PDE7B: variants seen among roughly 807,000 people sequenced by gnomAD.
The protein encoded by PDE7B is phosphodiesterase 7B, also known as 3',5'-cyclic-AMP phosphodiesterase 7B.
A neutral mutation model predicts 56.2 loss-of-function variants in PDE7B; 29 were observed. The ratio of observed to expected loss-of-function variants is 0.52; its 90% CI spans 0.38 to 0.70. PDE7B has a LOEUF of 0.70. PDE7B is among the 30% of genes least tolerant of loss of function. PDE7B has a pLI of 0.00. For synonymous variants in PDE7B, 197 were observed against 196.9 expected (o/e 1.00, Z 0.00); for missense variants, 490 against 565.0 (o/e 0.87, Z 1.35).
intron 1 of PDE7B, among the ~76,000 whole-genome samples, chr6:135,919,858 G>A (rs2128195181): frequency 6.6e-6 from 1 of 152,284 alleles, no homozygotes; most frequent in East Asian, 1.9e-4. Flanking sequence ...TGTAAGCACT[G>A]AAGAAACTCT....
At chr6:135,946,235 T>G (rs960144122) in intron 1 of PDE7B, among the ~76,000 whole-genome samples, 1 of 150,982 alleles carries the variant, frequency 6.6e-6, no homozygotes, top group Admixed American at 6.6e-5. Context: ...TTTTATATTA[T>G]TTGAATATTC....
At chr6:136,036,003 T>C (rs1166360788) in intron 2 of PDE7B, among the ~76,000 whole-genome samples, 1 of 152,192 alleles carries the variant, frequency 6.6e-6, no homozygotes, top group East Asian at 1.9e-4. Flanking sequence ...AGTCAAACAC[T>C]TAGGAAACTC....
chr6:135,906,826 T>G (rs936441638), intron 1 of PDE7B, among the ~76,000 whole-genome samples: 20 of 147,194 alleles, frequency 1.4e-4, no homozygotes, highest in African/African-American at 4.5e-4. Flanking sequence ...TTTTTTTTTT[T>G]TTTTTTTTTT....
intron 1 of PDE7B, among the ~76,000 whole-genome samples, chr6:135,944,409 T>A (rs1774558132): frequency 6.6e-6 from 1 of 152,200 alleles, no homozygotes; most frequent in South Asian, 2.1e-4. Flanking sequence ...AACTGGTTTT[T>A]TTCAAGCCCT....
At chr6:136,043,575 CAAAAAAAAAA>C (rs34337621) in intron 2 of PDE7B, among the ~76,000 whole-genome samples, 3 of 106,908 alleles carry the variant, frequency 2.8e-5, no homozygotes, top group African/African-American at 3.7e-5. Flanking sequence ...GACATAATAG[CAAAAAAAAAA>C]AAAAAAAAAA....
chr6:136,008,490 C>T (rs1302000264), intron 2 of PDE7B, among the ~76,000 whole-genome samples: 2 of 152,202 alleles, frequency 1.3e-5, no homozygotes, highest in East Asian at 1.9e-4. Context: ...TCCTCTCCAG[C>T]ACCTGTTGTT....
At chr6:136,030,716 C>T (rs973222716) in intron 2 of PDE7B, among the ~76,000 whole-genome samples, 1 of 152,190 alleles carries the variant, frequency 6.6e-6, no homozygotes, top group Non-Finnish European at 1.5e-5. Flanking sequence ...GCAGGTCTTG[C>T]TGAAAGTATC....
intron 1 of PDE7B, among the ~76,000 whole-genome samples, chr6:135,921,735 T>G (rs1425551307): frequency 2.0e-5 from 3 of 152,106 alleles, no homozygotes; most frequent in Non-Finnish European, 2.9e-5. Context: ...TACCAAAAAG[T>G]CATAGCTATT....
At chr6:136,129,918 G>A (rs1165958198) in intron 3 of PDE7B, among the ~76,000 whole-genome samples, 1 of 152,090 alleles carries the variant, frequency 6.6e-6, no homozygotes, top group Non-Finnish European at 1.5e-5. Flanking sequence ...CCTTTTTTGT[G>A]CATTTCTATG....
chr6:135,919,091 C>A (rs1774014281), intron 1 of PDE7B, among the ~76,000 whole-genome samples: 1 of 152,164 alleles, frequency 6.6e-6, no homozygotes. Context: ...GAGTTACTCT[C>A]CCGGGTAAAT....
chr6:135,990,130 C>T (rs1028508846), intron 2 of PDE7B, among the ~76,000 whole-genome samples: 2 of 146,370 alleles, frequency 1.4e-5, no homozygotes, highest in African/African-American at 5.0e-5. Flanking sequence ...GAGTCTCGCT[C>T]TATCGCCCAG....
intron 1 of PDE7B, among the ~76,000 whole-genome samples, chr6:135,925,986 A>G (rs369883583): frequency 1.3e-5 from 2 of 151,892 alleles, no homozygotes; most frequent in African/African-American, 4.8e-5. Flanking sequence ...AACAAAAGAA[A>G]AGAATATAAA....
chr6:135,985,259 T>C (rs1259323077), intron 2 of PDE7B, among the ~76,000 whole-genome samples: 1 of 152,158 alleles, frequency 6.6e-6, no homozygotes, highest in Non-Finnish European at 1.5e-5. Context: ...CAACCATGAC[T>C]GTCCTGTAGT....
chr6:136,025,285 CA>C (rs1776132442), intron 2 of PDE7B, among the ~76,000 whole-genome samples: 1 of 152,066 alleles, frequency 6.6e-6, no homozygotes, highest in Non-Finnish European at 1.5e-5. Context: ...CTTAAAAATG[CA>C]ATACAGAATA....
intron 1 of PDE7B, among the ~76,000 whole-genome samples, chr6:135,910,462 G>A (rs1195554864): frequency 6.6e-6 from 1 of 152,130 alleles, no homozygotes; most frequent in Non-Finnish European, 1.5e-5. Context: ...TAGGTTCACA[G>A]CAAAATTTGG....
intron 2 of PDE7B, among the ~76,000 whole-genome samples, chr6:135,974,682 T>C (rs981936837): frequency 6.6e-6 from 1 of 152,230 alleles, no homozygotes; most frequent in African/African-American, 2.4e-5. Context: ...AGAAGGTATA[T>C]TCTCATAGTC....
intron 10 of PDE7B, among the ~76,000 whole-genome samples, chr6:136,180,510 C>A (rs1390507663): frequency 6.6e-6 from 1 of 152,184 alleles, no homozygotes; most frequent in African/African-American, 2.4e-5. Context: ...GTCTTCCAGA[C>A]CCCAACATTG....
In PDE7B at chr6:135,975,510, G is replaced by T. The variant is rs150757882; in HGVS notation, c.82+27986G>T. Among the ~76,000 whole-genome samples, 365 of 147,598 alleles carry T rather than the reference G, an allele frequency of 2.5e-3. 1 individual carries two copies. The highest frequency in any genetic ancestry group is 9.2e-3 in the African/African-American group (345 of 37,460). ...GCCCTTTCCCTACTGCCTTTGGACA[G>T]AGGAGTATGTAACTCAAGATCATCA... is the stretch of plus-strand genomic sequence containing the variant. On this transcript the variant is annotated intron_variant, in intron 2 of 12. Coordinates refer to ENST00000308191, the MANE Select transcript of PDE7B (RefSeq NM_018945.4).
chr6:135,916,085 G>C (rs1036022684), intron 1 of PDE7B, among the ~76,000 whole-genome samples: 1 of 152,170 alleles, frequency 6.6e-6, no homozygotes, highest in Non-Finnish European at 1.5e-5. Flanking sequence ...GAACTACACA[G>C]TCATAAAGTA....
Sources: gnomAD v4.1 joint callset for allele counts (sites outside exome capture counted in the v4.1 genomes callset) on GRCh38, gnomAD v4.1.1 for gene constraint, MANE v1.5 for transcripts, NCBI Gene and HGNC (gene_info 2026-07-23, HGNC 2026-07-21) for gene names.